LRRC8A: variants seen among roughly 807,000 people sequenced by gnomAD.
The protein encoded by LRRC8A is volume-regulated anion channel subunit LRRC8A.
A neutral mutation model predicts 52.5 loss-of-function variants in LRRC8A; 24 were observed. That is an observed-to-expected ratio of 0.46 (90% CI 0.33 to 0.64). The LOEUF is 0.64. LRRC8A is among the 30% of genes least tolerant of loss of function. LRRC8A has a pLI of 0.02. For missense variants in LRRC8A, 677 were observed against 1,094.7 expected (o/e 0.62, Z 5.38); for synonymous variants, 492 against 494.2 (o/e 1.00, Z 0.06).
In LRRC8A at chr9:128,916,515, GC is replaced by G; in HGVS notation, c.*146del. 9.6e-7 allele frequency: 1 copy of G among 1,038,196 alleles called. No individual in the cohort carries two copies. 64.3% of individuals were successfully genotyped at this position (1,038,196 alleles called of 1,614,324 possible). ...GAGCCTGGGGCCGCTTGTGAGTCAGGCCAGAGCGAGAGGACAGTATCTGTGG... is the reference window on the plus strand; with the variant it reads ...GAGCCTGGGGCCGCTTGTGAGTCAGGCAGAGCGAGAGGACAGTATCTGTGG... On this transcript the variant is annotated 3_prime_UTR_variant, in exon 4 of 4. Transcript: ENST00000372600. This position sits in a 1 kb window ranked among gnomAD's most constrained non-coding sequence, Gnocchi z 6.1.
intron 2 of LRRC8A, among the ~76,000 whole-genome samples, chr9:128,898,846 T>A (rs989356556): frequency 6.6e-6 from 1 of 152,350 alleles, no homozygotes; most frequent in East Asian, 1.9e-4. Context: ...GGAAGCCTCA[T>A]TTCTGTGATC....
intron 2 of LRRC8A, among the ~76,000 whole-genome samples, chr9:128,897,553 AT>A (rs111457899): frequency 7.8e-4 from 117 of 149,656 alleles, no homozygotes; most frequent in African/African-American, 2.6e-3. Flanking sequence ...TTAAAAAAAA[AT>A]TTTTTTTTTG....
At chr9:128,904,555 T>C (rs2131004127) in intron 2 of LRRC8A, among the ~76,000 whole-genome samples, 1 of 152,134 alleles carries the variant, frequency 6.6e-6, no homozygotes, top group South Asian at 2.1e-4. Flanking sequence ...TTTATTCTAA[T>C]ACACAGAAAG....
rs909300216 is a variant in LRRC8A, at chr9:128,890,578, A to C, written c.-9+4457A>C. Among the ~76,000 whole-genome samples, 10 of 152,048 alleles carry C rather than the reference A, an allele frequency of 6.6e-5. 1 individual carries two copies. The East Asian group carries it at 1.2e-3, about 18-fold the overall frequency. On this transcript the variant is annotated intron_variant, in intron 2 of 3. Coordinates refer to ENST00000372600, the MANE Select transcript of LRRC8A (RefSeq NM_019594.4). ...AGGGACACCTCGCATCTCCCAGCTG[A>C]CTCCATGAGTCAGGATCCCTGGGGG... is the stretch of plus-strand genomic sequence containing the variant.
chr9:128,908,583 G>A lies in LRRC8A; in HGVS notation c.1419G>A (p.Glu473=). The A allele has an allele frequency of 6.2e-7, 1 of 1,612,838 alleles. No homozygotes were observed. The highest frequency in any genetic ancestry group is 1.1e-5 in the South Asian group (1 of 91,070). The change falls in exon 3 of 4, where the codon GAG becomes GAA. Residue 473 remains glutamate (E), a synonymous_variant. Transcript: ENST00000372600. ...TTGCCCAGCTCACGGGCCTCAAGGA[G>A]CTGTGGCTCTACCACACAGCGGCCA... ...PSIAQLTGLK[E]LWLYHTAAKI...
chr9:128,909,176 G>T lies in LRRC8A; in HGVS notation c.2012G>T (p.Arg671Leu). 1 of 1,614,052 alleles carries T rather than the reference G, an allele frequency of 6.2e-7. No individual in the cohort carries two copies. Among genetic ancestry groups the T allele is most frequent in the Non-Finnish European group, 8.5e-7 (1 of 1,180,034 alleles). ...LTNLERLYLN[R>L]NKIEKIPTQL... ...AACCTGGAGCGCCTCTACCTGAACC[G>T]CAACAAGATCGAGAAGATCCCCACC... Residue 671 changes from arginine to leucine, a missense_variant, in exon 3 of 4, where the codon CGC (arginine) becomes CTC (leucine). Transcript: ENST00000372600.
chr9:128,891,155 C>T (rs1318901964), intron 2 of LRRC8A, among the ~76,000 whole-genome samples: 1 of 151,912 alleles, frequency 6.6e-6, no homozygotes, highest in Non-Finnish European at 1.5e-5. Context: ...ACCTGTAATC[C>T]CAGCTACTTG....
chr9:128,883,711 A>T (rs1839250191), intron 1 of LRRC8A, among the ~76,000 whole-genome samples: 1 of 152,304 alleles, frequency 6.6e-6, no homozygotes. Flanking sequence ...GTGGTGGCTC[A>T]CGCCTGTAAT....
Position 128,917,811 on chromosome 9 carries a change from C to T in LRRC8A, c.*1440C>T, listed in dbSNP as rs1330159070. On this transcript the variant is annotated 3_prime_UTR_variant, in exon 4 of 4. Transcript: ENST00000372600. ...TCGGGTCCCCACCTTAGAAGGGTCC[C>T]CGCCTTAGATCAATCACGTGGACAC... 1 of 152,692 alleles carries T rather than the reference C, an allele frequency of 6.5e-6. No individual in the cohort carries two copies. Among genetic ancestry groups the T allele is most frequent in the African/African-American group, 2.4e-5 (1 of 41,464 alleles). The allele number at this position is 152,692 out of a possible 1,614,324, so 9.5% of individuals were successfully genotyped here.
chr9:128,916,535 T>C lies in LRRC8A; in HGVS notation c.*164T>C, dbSNP rs1418549061. On this transcript the variant is annotated 3_prime_UTR_variant, in exon 4 of 4. Coordinates refer to ENST00000372600, the MANE Select transcript of LRRC8A (RefSeq NM_019594.4). The surrounding 1 kb of genome is among the most constrained non-coding windows in gnomAD (Gnocchi z 6.1). ...GTCAGGCCAGAGCGAGAGGACAGTA[T>C]CTGTGGGGCTGGCCCCTTTTCTCCC... is the stretch of plus-strand genomic sequence containing the variant. 2 of 862,464 alleles carry C rather than the reference T, an allele frequency of 2.3e-6. No individual in the cohort carries two copies. Among genetic ancestry groups the C allele is most frequent in the Non-Finnish European group, 3.5e-6 (2 of 578,658 alleles). 53.4% of individuals were successfully genotyped at this position (862,464 alleles called of 1,614,324 possible). A position where few individuals can be genotyped will look rare whatever the true frequency, so the allele number is the denominator to read the frequency against.
At chr9:128,904,004 G>A (rs1191111697) in intron 2 of LRRC8A, among the ~76,000 whole-genome samples, 1 of 151,994 alleles carries the variant, frequency 6.6e-6, no homozygotes, top group Non-Finnish European at 1.5e-5. Flanking sequence ...CCCCAGCCTG[G>A]GTGACAGAGT....
Position 128,911,573 on chromosome 9 carries a change from G to C in LRRC8A, c.2157+2252G>C, listed in dbSNP as rs567780373. ...GCTCCTGCCATTCCTGCCCTGTCCC[G>C]GGTGCTGTGCTGGGGCTGTCCTCCT... is the stretch of plus-strand genomic sequence containing the variant. On this transcript the variant is annotated intron_variant, in intron 3 of 3. Transcript: ENST00000372600. This position sits in a 1 kb window ranked among gnomAD's most constrained non-coding sequence, Gnocchi z 4.9. Among the ~76,000 whole-genome samples, 1 of 152,044 alleles carries C rather than the reference G, an allele frequency of 6.6e-6. No individual in the cohort carries two copies. Among genetic ancestry groups the C allele is most frequent in the Non-Finnish European group, 1.5e-5 (1 of 67,978 alleles).
intron 2 of LRRC8A, among the ~76,000 whole-genome samples, chr9:128,906,111 G>GTACACACATAACTA (rs1221908404): frequency 6.6e-6 from 1 of 152,088 alleles, no homozygotes; most frequent in African/African-American, 2.4e-5. Flanking sequence ...CCAGAATCTT[G>GTACACACATAACTA]TACACACATA....
At chr9:128,885,576 T>G (rs2130925352) in intron 1 of LRRC8A, among the ~76,000 whole-genome samples, 1 of 152,236 alleles carries the variant, frequency 6.6e-6, no homozygotes, top group South Asian at 2.1e-4. Context: ...TGGCACCTCC[T>G]CAGTAGACCA....
chr9:128,903,685 T>G (rs1278362532), intron 2 of LRRC8A, among the ~76,000 whole-genome samples: 3 of 150,494 alleles, frequency 2.0e-5, no homozygotes, highest in Non-Finnish European at 4.4e-5. Flanking sequence ...AGTGCTGGGA[T>G]TACAGGCGTG....
At position 128,902,875 on chromosome 9, in the gene LRRC8A, T is replaced by G. The variant is rs1224796502; in HGVS notation, c.-8-4282T>G. 6.6e-6 allele frequency among the ~76,000 whole-genome samples: 1 copy of G among 152,150 alleles called. No individual in the cohort carries two copies. Among genetic ancestry groups the G allele is most frequent in the African/African-American group, 2.4e-5 (1 of 41,430 alleles). On this transcript the variant is annotated intron_variant, in intron 2 of 3. Coordinates refer to ENST00000372600, the MANE Select transcript of LRRC8A (RefSeq NM_019594.4). The surrounding 1 kb of genome is among the most constrained non-coding windows in gnomAD (Gnocchi z 4.1). ...GGAGGACTGACTTCTGGCCTGGAGC[T>G]GCCAGCCCAGGGCGGGCGGTGGTGT...
intron 2 of LRRC8A, among the ~76,000 whole-genome samples, chr9:128,888,631 G>A (rs1839487567): frequency 6.6e-6 from 1 of 152,134 alleles, no homozygotes; most frequent in Non-Finnish European, 1.5e-5. Flanking sequence ...GCTGACCTCA[G>A]GAAGGGTTTG....
intron 2 of LRRC8A, among the ~76,000 whole-genome samples, chr9:128,895,706 C>T (rs1839797499): frequency 6.6e-6 from 1 of 152,168 alleles, no homozygotes; most frequent in Non-Finnish European, 1.5e-5. Flanking sequence ...ACGAGTTCTG[C>T]AGGGTCCTCA....
intron 2 of LRRC8A, among the ~76,000 whole-genome samples, chr9:128,898,466 A>G (rs1366121233): frequency 6.6e-6 from 1 of 151,990 alleles, no homozygotes; most frequent in Admixed American, 6.5e-5. Context: ...TCCTTCTTCC[A>G]TTTCCCAACT....
Sources: gnomAD v4.1 joint callset for allele counts (sites outside exome capture counted in the v4.1 genomes callset) on GRCh38, gnomAD v4.1.1 for gene constraint, Gnocchi (gnomAD v3.1) non-coding constraint, MANE v1.5 for transcripts, NCBI Gene and HGNC (gene_info 2026-07-23, HGNC 2026-07-21) for gene names.